Variants in CPNE4 observed in about 807,000 individuals in gnomAD.
CPNE4 encodes copine 4, also known as copine-4.
Under a neutral mutation model 67.9 loss-of-function variants are expected in CPNE4, and 25 were observed. The observed-to-expected ratio is 0.37, with a 90% CI of 0.27 to 0.51. The LOEUF is 0.51. CPNE4 is among the 20% of genes least tolerant of loss of function. The pLI is 0.93. For synonymous variants in CPNE4, 242 were observed against 244.9 expected, an observed-to-expected ratio of 0.99 and a Z score of 0.11; for missense variants, 464 against 690.8, an observed-to-expected ratio of 0.67 and a Z score of 3.68.
At chr3:131,706,702 T>G (rs2081422249) in intron 3 of CPNE4, among the ~76,000 whole-genome samples, 1 of 152,172 alleles carries the variant, frequency 6.6e-6, no homozygotes, top group Non-Finnish European at 1.5e-5. Context: ...ATAAGAAACA[T>G]TTGCCATCTT....
At chr3:131,915,351 C>T (rs2089145963) in intron 1 of CPNE4, among the ~76,000 whole-genome samples, 1 of 152,126 alleles carries the variant, frequency 6.6e-6, no homozygotes, top group African/African-American at 2.4e-5. Flanking sequence ...CTTAAAAATT[C>T]ACTTTACTTC....
chr3:131,868,280 G>A (rs1030803212), intron 2 of CPNE4, among the ~76,000 whole-genome samples: 5 of 152,096 alleles, frequency 3.3e-5, no homozygotes, highest in Admixed American at 1.3e-4. Flanking sequence ...ACCTCTCTAC[G>A]TTCTGGCAGA....
chr3:131,612,447 G>A (rs1186812894), intron 7 of CPNE4, among the ~76,000 whole-genome samples: 2 of 152,156 alleles, frequency 1.3e-5, no homozygotes, highest in African/African-American at 4.8e-5. Flanking sequence ...GGTTGCACAT[G>A]GCAATTGGGC....
chr3:131,938,684 G>A (rs937376815), intron 1 of CPNE4, among the ~76,000 whole-genome samples: 4 of 151,974 alleles, frequency 2.6e-5, no homozygotes, highest in East Asian at 3.9e-4. Context: ...GATCTTGTGC[G>A]AACTCCCGCA....
At chr3:131,768,226 T>C (rs992055835) in intron 2 of CPNE4, among the ~76,000 whole-genome samples, 1 of 152,046 alleles carries the variant, frequency 6.6e-6, no homozygotes, top group African/African-American at 2.4e-5. Flanking sequence ...CTTGTATAGG[T>C]CACTAAGGCA....
intron 1 of CPNE4, among the ~76,000 whole-genome samples, chr3:132,005,701 C>A (rs1463088795): frequency 6.6e-6 from 1 of 151,854 alleles, no homozygotes; most frequent in Non-Finnish European, 1.5e-5. Context: ...TCCACACATA[C>A]CCAAGTTTCC....
chr3:131,621,684 C>A (rs1157621776), intron 7 of CPNE4, among the ~76,000 whole-genome samples: 1 of 152,064 alleles, frequency 6.6e-6, no homozygotes, highest in Non-Finnish European at 1.5e-5. Context: ...GAGGAAATTA[C>A]AATAATGTTT....
chr3:132,016,990 G>C (rs2073902122), intron 1 of CPNE4, among the ~76,000 whole-genome samples: 3 of 152,112 alleles, frequency 2.0e-5, no homozygotes, highest in Admixed American at 2.0e-4. Flanking sequence ...CATGTGGTAG[G>C]TGTTCAATAT....
In CPNE4 at chr3:131,747,650, G is replaced by T. The variant is rs2082526161; in HGVS notation, c.181-24025C>A. On this transcript the variant is annotated intron_variant, in intron 2 of 15. Coordinates refer to ENST00000429747, the MANE Select transcript of CPNE4 (RefSeq NM_130808.3). ...GCCTGCCAAGTAGCTGGGATTGCAG[G>T]CATGTACCACATGCCCAGCTGGTTT... 3.3e-5 allele frequency among the ~76,000 whole-genome samples: 5 copies of T among 152,188 alleles called. No individual in the cohort carries two copies. The South Asian group carries it at 1.0e-3, about 32-fold the overall frequency.
intron 1 of CPNE4, among the ~76,000 whole-genome samples, chr3:131,962,761 T>C (rs1007905906): frequency 6.6e-6 from 1 of 151,536 alleles, no homozygotes; most frequent in Admixed American, 6.6e-5. Context: ...AGTAAATACG[T>C]TTTCCTGAGA....
chr3:132,034,990 C>A lies in CPNE4; in HGVS notation c.-425G>T. 1 of 985,288 alleles carries A rather than the reference C, an allele frequency of 1.0e-6. No individual in the cohort carries two copies. The highest frequency in any genetic ancestry group is 1.2e-6 in the Non-Finnish European group (1 of 830,086). 61.0% of individuals were successfully genotyped at this position (985,288 alleles called of 1,614,324 possible). ...GGGTGGCGGGGAGATGGCAGCTTCT[C>A]ACAGAGAGATTTCCACCTTCTGACG... On this transcript the variant is annotated 5_prime_UTR_variant, in exon 1 of 16. Coordinates refer to ENST00000429747, the MANE Select transcript of CPNE4 (RefSeq NM_130808.3).
chr3:131,671,843 T>C (rs2080426208), intron 6 of CPNE4, among the ~76,000 whole-genome samples: 1 of 152,182 alleles, frequency 6.6e-6, no homozygotes, highest in African/African-American at 2.4e-5. Context: ...GTTTTGGTTA[T>C]TATAAAATAT....
intron 1 of CPNE4, among the ~76,000 whole-genome samples, chr3:132,016,175 C>T (rs1036211787): frequency 3.3e-5 from 5 of 152,178 alleles, no homozygotes; most frequent in East Asian, 1.9e-4. Flanking sequence ...ACGTATTACA[C>T]CCTGGATTGA....
chr3:131,942,455 TGTGTGTGTGAGAGAGAGAGAGA>T (rs2071420288), intron 1 of CPNE4, among the ~76,000 whole-genome samples: 1 of 62,280 alleles, frequency 1.6e-5, no homozygotes, highest in African/African-American at 7.2e-5. Flanking sequence ...TGTGTGTGTG[TGTGTGTGTGAGAGAGAGAGAGA>T]GAGAGAGAGA....
At chr3:131,635,138 G>T (rs2079342527) in intron 7 of CPNE4, among the ~76,000 whole-genome samples, 1 of 151,966 alleles carries the variant, frequency 6.6e-6, no homozygotes, top group South Asian at 2.1e-4. Context: ...CTCAAATTTG[G>T]GTTCAGTAAC....
intron 2 of CPNE4, among the ~76,000 whole-genome samples, chr3:131,841,105 G>A (rs965148290): frequency 6.6e-6 from 1 of 152,188 alleles, no homozygotes; most frequent in African/African-American, 2.4e-5. Flanking sequence ...TTCAGGAAGA[G>A]AGGAGTTACA....
At chr3:131,561,337 C>CTGTG (rs56788885) in intron 11 of CPNE4, among the ~76,000 whole-genome samples, 5 of 148,362 alleles carry the variant, frequency 3.4e-5, no homozygotes, top group Non-Finnish European at 6.0e-5. Context: ...TTGTGTGGGC[C>CTGTG]TGTGTGTGTG....
intron 3 of CPNE4, among the ~76,000 whole-genome samples, chr3:131,717,945 T>TCTTTCTTTCTTTTCTTTCTTTCTC (rs750751469): frequency 1.1e-4 from 15 of 140,962 alleles, no homozygotes; most frequent in South Asian, 2.3e-4. Flanking sequence ...TTTCTTTCTT[T>TCTTTCTTTCTTTTCTTTCTTTCTC]TCTTTCTTTC....
At position 131,973,593 on chromosome 3, in the gene CPNE4, TC is replaced by T. The variant is rs1459895362; in HGVS notation, c.-2+60973del. 3.9e-5 allele frequency among the ~76,000 whole-genome samples: 6 copies of T among 152,296 alleles called. No individual in the cohort carries two copies. In the East Asian group the frequency reaches 9.7e-4, roughly 25 times the overall value. ...AAGTTTAAGTAATTTTTTCAAGGTC[TC>T]CCAGCAGAGCTGGTGGCAGAGCTGG... On this transcript the variant is annotated intron_variant, in intron 1 of 15. Transcript: ENST00000429747.
Sources: gnomAD v4.1 joint callset for allele counts (sites outside exome capture counted in the v4.1 genomes callset) on GRCh38, gnomAD v4.1.1 for gene constraint, MANE v1.5 for transcripts, NCBI Gene and HGNC (gene_info 2026-07-23, HGNC 2026-07-21) for gene names.